The following ZNRF3 variants were observed in gnomAD, a reference collection of about 807,000 sequenced individuals.
ZNRF3 encodes E3 ubiquitin-protein ligase ZNRF3.
ZNRF3 carries 23 observed loss-of-function variants against 72.5 expected under a neutral mutation model. The observed-to-expected ratio is 0.32, with a 90% CI of 0.23 to 0.45. The LOEUF (loss-of-function observed/expected upper bound fraction) is 0.45, where lower values mean the gene tolerates loss of function less well. Among genes scored for constraint, ZNRF3 ranks in the 20% least tolerant of loss-of-function variants. The probability of loss-of-function intolerance (pLI) is 1.00; values close to 1 mark genes in which losing one functional copy is unlikely to be tolerated. For synonymous variants in ZNRF3, 610 were observed against 545.3 expected (o/e 1.12, Z -1.65); for missense variants, 1,169 against 1,272.1 (o/e 0.92, Z 1.23).
intron 1 of ZNRF3, among the ~76,000 whole-genome samples, chr22:28,909,999 G>A (rs532422552): frequency 2.0e-5 from 3 of 151,570 alleles, no homozygotes. Context: ...CACTGCACCT[G>A]GCCTGATTTG....
chr22:28,916,605 G>A (rs1210982576), intron 1 of ZNRF3, among the ~76,000 whole-genome samples: 1 of 152,084 alleles, frequency 6.6e-6, no homozygotes, highest in African/African-American at 2.4e-5. Flanking sequence ...CAGAGTGAAG[G>A]TTAAAAAAAA....
At chr22:29,038,882 G>A (rs777051919) in intron 2 of ZNRF3, among the ~76,000 whole-genome samples, 14 of 151,970 alleles carry the variant, frequency 9.2e-5, no homozygotes, top group African/African-American at 1.7e-4. Flanking sequence ...CTCAAACAAG[G>A]TATGTCCTTA....
intron 1 of ZNRF3, among the ~76,000 whole-genome samples, chr22:28,905,983 T>C (rs2034199852): frequency 6.6e-6 from 1 of 152,138 alleles, no homozygotes; most frequent in African/African-American, 2.4e-5. Context: ...ATGAGGTAAT[T>C]GGAGGCAGGT....
intron 1 of ZNRF3, among the ~76,000 whole-genome samples, chr22:28,955,838 G>C (rs1209202681): frequency 3.3e-5 from 5 of 151,894 alleles, no homozygotes; most frequent in Admixed American, 2.0e-4. Flanking sequence ...ATGATCACTT[G>C]AACCCAGGAG....
At chr22:29,004,521 G>C (rs1381922904) in intron 2 of ZNRF3, among the ~76,000 whole-genome samples, 1 of 152,200 alleles carries the variant, frequency 6.6e-6, no homozygotes, top group Non-Finnish European at 1.5e-5. Flanking sequence ...AAGCACGCCA[G>C]TCTAGGTGGC....
chr22:28,944,357 TCA>T (rs1475873977), intron 1 of ZNRF3, among the ~76,000 whole-genome samples: 13 of 152,174 alleles, frequency 8.5e-5, no homozygotes, highest in African/African-American at 3.1e-4. Context: ...GTGCAGTGGC[TCA>T]CACCTGTAAT....
chr22:29,025,039 T>C (rs1441254942), intron 2 of ZNRF3: 1 of 142,790 alleles, frequency 7.0e-6, no homozygotes, highest in Non-Finnish European at 1.5e-5. Flanking sequence ...TGGAGTGCAG[T>C]GGTGCCATCT....
intron 1 of ZNRF3, among the ~76,000 whole-genome samples, chr22:28,925,232 G>A (rs1215025984): frequency 6.6e-6 from 1 of 152,166 alleles, no homozygotes; most frequent in Non-Finnish European, 1.5e-5. Flanking sequence ...CAGGGTCAGT[G>A]GGGTCTGAGG....
intron 1 of ZNRF3, among the ~76,000 whole-genome samples, chr22:28,982,410 C>T (rs1036820182): frequency 2.2e-4 from 28 of 129,584 alleles, no homozygotes; most frequent in Non-Finnish European, 3.2e-4. Context: ...CCAGCCTGGG[C>T]GACATTGTGA....
chr22:29,021,196 C>G (rs1360569064), intron 2 of ZNRF3, among the ~76,000 whole-genome samples: 1 of 151,462 alleles, frequency 6.6e-6, no homozygotes, highest in Non-Finnish European at 1.5e-5. Context: ...GTTGTGCCAT[C>G]GCACTCCAGC....
At chr22:28,903,255 C>T (rs1327733926) in intron 1 of ZNRF3, among the ~76,000 whole-genome samples, 1 of 152,202 alleles carries the variant, frequency 6.6e-6, no homozygotes, top group African/African-American at 2.4e-5. Flanking sequence ...CACACACGCA[C>T]AGCTGGATGT....
chr22:29,039,214 G>A (rs866452359), intron 2 of ZNRF3, among the ~76,000 whole-genome samples: 1 of 152,160 alleles, frequency 6.6e-6, no homozygotes, highest in South Asian at 2.1e-4. Flanking sequence ...TCCACGTTCC[G>A]GGCGGAGCAG....
At position 29,054,146 on chromosome 22, in the gene ZNRF3, C is replaced by G. The variant is rs775974762; in HGVS notation, c.*524C>G. ...AATGAACCAGAAACTTGAAGTAAAG[C>G]TAGTTGATAGGGGTACAGGCTCTGA... On this transcript the variant is annotated 3_prime_UTR_variant, in exon 9 of 9. Transcript: ENST00000544604. 3.9e-5 allele frequency: 6 copies of G among 152,426 alleles called. No individual in the cohort carries two copies. Among genetic ancestry groups the G allele is most frequent in the African/African-American group, 1.2e-4 (5 of 41,440 alleles). 9.4% of individuals were successfully genotyped at this position (152,426 alleles called of 1,614,324 possible).
chr22:29,036,318 C>G (rs2036867466), intron 2 of ZNRF3, among the ~76,000 whole-genome samples: 1 of 152,084 alleles, frequency 6.6e-6, no homozygotes, highest in Admixed American at 6.5e-5. Context: ...TCTTATCTGT[C>G]CTTTGGCTAA....
chr22:29,032,313 C>T (rs1223128646), intron 2 of ZNRF3, among the ~76,000 whole-genome samples: 1 of 152,172 alleles, frequency 6.6e-6, no homozygotes, highest in Non-Finnish European at 1.5e-5. Flanking sequence ...ATGGATGGAA[C>T]AAACACTGCA....
rs758698370 is a variant in ZNRF3, at chr22:28,922,790, G to A, written c.300+38724G>A. 3.7e-4 allele frequency among the ~76,000 whole-genome samples: 57 copies of A among 152,270 alleles called. 1 individual carries two copies. The highest frequency in any genetic ancestry group is 3.3e-4 in the Admixed American group (5 of 15,286). ...GCCCGATCTATATGTGGCATGTTCCGCCACAGCTGTGGGTGGAATCATGCT... is the reference window on the plus strand; with the variant it reads ...GCCCGATCTATATGTGGCATGTTCCACCACAGCTGTGGGTGGAATCATGCT... On this transcript the variant is annotated intron_variant, in intron 1 of 8. Coordinates refer to ENST00000544604, the MANE Select transcript of ZNRF3 (RefSeq NM_001206998.2).
intron 8 of ZNRF3, 39 bp downstream of exon 8, chr22:29,050,987 T>C (rs6005967): frequency 0.47 from 701,474 of 1,492,112 alleles, 167,326 homozygotes; most frequent in Non-Finnish European, 0.49. Context: ...AGCAGGAGTT[T>C]CCATCAGGGT....
intron 6 of ZNRF3, 27 bp downstream of exon 6, chr22:29,046,910 G>C (rs758951542): frequency 8.0e-6 from 12 of 1,493,210 alleles, no homozygotes; most frequent in African/African-American, 7.0e-5. Flanking sequence ...GCCCGTCCTG[G>C]GTGGGGAAAA....
intron 1 of ZNRF3, among the ~76,000 whole-genome samples, chr22:28,918,938 T>C (rs938796291): frequency 2.0e-5 from 3 of 152,196 alleles, no homozygotes; most frequent in African/African-American, 7.2e-5. Context: ...TGGGGGCACC[T>C]TGAGAAAGTG....
Sources: gnomAD v4.1 joint callset for allele counts (sites outside exome capture counted in the v4.1 genomes callset) on GRCh38, gnomAD v4.1.1 for gene constraint, MANE v1.5 for transcripts, NCBI Gene and HGNC (gene_info 2026-07-23, HGNC 2026-07-21) for gene names.